FGF12: variants seen among roughly 807,000 people sequenced by gnomAD.
FGF12 encodes the protein fibroblast growth factor 12.
A neutral mutation model predicts 23.6 loss-of-function variants in FGF12; 14 were observed. That is an observed-to-expected ratio of 0.59 (90% CI 0.39 to 0.93). The LOEUF (loss-of-function observed/expected upper bound fraction) is 0.93. Among genes scored for constraint, FGF12 ranks in the 40% least tolerant of loss-of-function variants. The probability of loss-of-function intolerance (pLI) is 0.00; values close to 1 mark genes in which losing one functional copy is unlikely to be tolerated. For missense variants in FGF12, 175 were observed against 217.8 expected, an observed-to-expected ratio of 0.80 and a Z score of 1.24; for synonymous variants, 62 against 77.3, an observed-to-expected ratio of 0.80 and a Z score of 1.04.
At chr3:192,196,729 G>T (rs1394417314) in intron 4 of FGF12, among the ~76,000 whole-genome samples, 1 of 152,156 alleles carries the variant, frequency 6.6e-6, no homozygotes. Flanking sequence ...GCATTTTGTA[G>T]CATTCTTTCC....
At chr3:192,618,247 TAA>T (rs78960252) in intron 2 of FGF12, among the ~76,000 whole-genome samples, 79 of 125,340 alleles carry the variant, frequency 6.3e-4, no homozygotes, top group Admixed American at 1.1e-3. Context: ...CATGGGGAAC[TAA>T]AAAAAAAAAA....
intron 4 of FGF12, among the ~76,000 whole-genome samples, chr3:192,323,895 A>G (rs1716676177): frequency 1.3e-5 from 2 of 152,132 alleles, no homozygotes; most frequent in East Asian, 3.9e-4. Context: ...GATTGAGACC[A>G]GCCTGCGCAA....
At position 192,354,607 on chromosome 3, in the gene FGF12, G is replaced by T. The variant is rs1213666519; in HGVS notation, c.124+5821C>A. ...GACAGTTCATAGAAAAGGAAGTAAA[G>T]ATCACCCTTAAACAAGTGTTCAACC... On this transcript the variant is annotated intron_variant, in intron 3 of 5. Coordinates refer to ENST00000445105, the MANE Select transcript of FGF12 (RefSeq NM_004113.6). Among the ~76,000 whole-genome samples the T allele has an allele frequency of 1.3e-5, 2 of 152,118 alleles. 1 individual carries two copies. Among genetic ancestry groups the T allele is most frequent in the African/African-American group, 4.8e-5 (2 of 41,432 alleles).
At chr3:192,478,766 T>G (rs1390656753) in intron 2 of FGF12, among the ~76,000 whole-genome samples, 3 of 152,176 alleles carry the variant, frequency 2.0e-5, no homozygotes, top group Non-Finnish European at 4.4e-5. Context: ...ATCATAGTAT[T>G]TAATTGGTCT....
At chr3:192,398,924 T>C (rs1223887311) in intron 2 of FGF12, among the ~76,000 whole-genome samples, 3 of 152,132 alleles carry the variant, frequency 2.0e-5, no homozygotes, top group African/African-American at 7.2e-5. Flanking sequence ...CAGGATGTCA[T>C]TTCCTCATTG....
rs1301023678 is a variant in FGF12 at position 192,141,127 on chromosome 3, CCAAAAAA to C, written c.*2875_*2881del. On this transcript the variant is annotated 3_prime_UTR_variant, in exon 6 of 6. Coordinates refer to ENST00000445105, the MANE Select transcript of FGF12 (RefSeq NM_004113.6). ...TCCTGGGAAAAATCCCAATGCAACTCCAAAAAAAAAAAAAAAAAAAAAAAAAAGCTTA... is the reference window on the plus strand; with the variant it reads ...TCCTGGGAAAAATCCCAATGCAACTCAAAAAAAAAAAAAAAAAAAAGCTTA... The C allele has an allele frequency of 2.7e-4, 6 of 21,830 alleles. No homozygotes were observed. The highest frequency in any genetic ancestry group is 1.8e-3 in the East Asian group (1 of 562). 1.4% of individuals were successfully genotyped at this position (21,830 alleles called of 1,614,324 possible).
chr3:192,320,397 A>G (rs552297067), intron 4 of FGF12, among the ~76,000 whole-genome samples: 15 of 152,332 alleles, frequency 9.8e-5, no homozygotes, highest in Middle Eastern at 3.4e-3. Context: ...CACTTTCTGC[A>G]TTGGACAGAT....
At chr3:192,342,730 T>C (rs921871141) in intron 3 of FGF12, among the ~76,000 whole-genome samples, 1 of 152,026 alleles carries the variant, frequency 6.6e-6, no homozygotes, top group Non-Finnish European at 1.5e-5. Flanking sequence ...TAAGCCATGA[T>C]TGCACCACTC....
At chr3:192,579,736 G>GT (rs984501179) in intron 2 of FGF12, among the ~76,000 whole-genome samples, 38 of 152,104 alleles carry the variant, frequency 2.5e-4, no homozygotes, top group African/African-American at 8.0e-4. Flanking sequence ...CACCCAGCTA[G>GT]TTTTTGTATT....
intron 2 of FGF12, among the ~76,000 whole-genome samples, chr3:192,686,988 C>T (rs995859035): frequency 6.6e-6 from 1 of 151,264 alleles, no homozygotes; most frequent in Non-Finnish European, 1.5e-5. Flanking sequence ...GCCACCACAA[C>T]TGGATAATTT....
intron 4 of FGF12, among the ~76,000 whole-genome samples, chr3:192,185,011 C>A (rs1367969152): frequency 6.6e-6 from 1 of 152,184 alleles, no homozygotes; most frequent in East Asian, 1.9e-4. Flanking sequence ...TTTGTTGTTA[C>A]TACTGCTGTG....
chr3:192,269,533 T>C (rs1213206236), intron 4 of FGF12, among the ~76,000 whole-genome samples: 1 of 152,176 alleles, frequency 6.6e-6, no homozygotes, highest in Non-Finnish European at 1.5e-5. Context: ...ATAATAGTAC[T>C]ACCTAATAAT....
At chr3:192,640,594 G>A (rs1255692692) in intron 2 of FGF12, among the ~76,000 whole-genome samples, 2 of 152,088 alleles carry the variant, frequency 1.3e-5, no homozygotes, top group African/African-American at 4.8e-5. Flanking sequence ...GGATAACATG[G>A]CCTGCCAGTG....
chr3:192,630,664 T>C (rs1715354606), intron 2 of FGF12, among the ~76,000 whole-genome samples: 1 of 151,046 alleles, frequency 6.6e-6, no homozygotes, highest in African/African-American at 2.4e-5. Context: ...CCCATTCTCC[T>C]GCCTCAGCCT....
At chr3:192,280,465 A>G (rs916493998) in intron 4 of FGF12, among the ~76,000 whole-genome samples, 4 of 152,158 alleles carry the variant, frequency 2.6e-5, no homozygotes, top group African/African-American at 4.8e-5. Context: ...TTCTTGTCAC[A>G]TAAGTCTTTT....
intron 2 of FGF12, among the ~76,000 whole-genome samples, chr3:192,434,911 A>G (rs1457497459): frequency 6.6e-6 from 1 of 151,510 alleles, no homozygotes; most frequent in Non-Finnish European, 1.5e-5. Context: ...CATTTATCCA[A>G]CCGCTTTTCA....
chr3:192,705,293 T>C (rs1361026379), intron 2 of FGF12, among the ~76,000 whole-genome samples: 1 of 152,226 alleles, frequency 6.6e-6, no homozygotes, highest in Non-Finnish European at 1.5e-5. Context: ...CACTTGAACA[T>C]TTAAGGGCCA....
At chr3:192,374,470 T>A (rs569490286) in intron 2 of FGF12, among the ~76,000 whole-genome samples, 4 of 152,346 alleles carry the variant, frequency 2.6e-5, no homozygotes, top group East Asian at 3.9e-4. Context: ...ATGAAGATTA[T>A]CTTGATTATG....
At chr3:192,200,904 T>TG (rs532789299) in intron 4 of FGF12, among the ~76,000 whole-genome samples, 307 of 147,810 alleles carry the variant, frequency 2.1e-3, no homozygotes, top group African/African-American at 7.4e-3. Flanking sequence ...GGCTTTTGTG[T>TG]GAAAAAAAAA....
Sources: allele counts gnomAD v4.1 joint callset (sites outside exome capture counted in the v4.1 genomes callset), GRCh38; gene constraint gnomAD v4.1.1; transcripts MANE v1.5; gene names NCBI Gene and HGNC (gene_info 2026-07-23, HGNC 2026-07-21).